Variants in CFAP54 observed in about 807,000 individuals in gnomAD.
CFAP54 encodes the protein cilia and flagella associated protein 54, also known as cilia- and flagella-associated protein 54.
Under a neutral mutation model 370.4 loss-of-function variants are expected in CFAP54, and 290 were observed. The ratio of observed to expected loss-of-function variants is 0.78; its 90% CI spans 0.71 to 0.86. CFAP54 has a LOEUF of 0.86. CFAP54 is among the 40% of genes least tolerant of loss of function. The probability of loss-of-function intolerance (pLI) is 0.00; values close to 1 mark genes in which losing one functional copy is unlikely to be tolerated. For missense variants in CFAP54, 3,399 were observed against 3,528.7 expected (o/e 0.96, Z 0.93); for synonymous variants, 1,206 against 1,236.5 (o/e 0.98, Z 0.52).
chr12:96,596,613 T>C (rs1206531416), intron 25 of CFAP54, among the ~76,000 whole-genome samples: 1 of 152,062 alleles, frequency 6.6e-6, no homozygotes, highest in East Asian at 1.9e-4. Context: ...GCAAAAACTT[T>C]AGGAAAAATT....
chr12:96,495,770 T>C (rs1954946813), intron 1 of CFAP54, among the ~76,000 whole-genome samples: 1 of 152,164 alleles, frequency 6.6e-6, no homozygotes, highest in Non-Finnish European at 1.5e-5. Flanking sequence ...ATGAGCAGCC[T>C]TAACCTGAAC....
At chr12:96,590,318 A>T (rs1449526700) in intron 23 of CFAP54, among the ~76,000 whole-genome samples, 1 of 152,190 alleles carries the variant, frequency 6.6e-6, no homozygotes, top group African/African-American at 2.4e-5. Flanking sequence ...GAAGCCATAT[A>T]AAATTACTAT....
Position 96,693,768 on chromosome 12 carries a change from G to C in CFAP54, c.6311G>C (p.Cys2104Ser), listed in dbSNP as rs762172248. 3 of 1,602,106 alleles carry C rather than the reference G, an allele frequency of 1.9e-6. No homozygotes were observed. In the East Asian group the frequency reaches 6.7e-5, roughly 36 times the overall value. ...TATCAATATTTTGTTTCTGGAATTT[G>C]TCAAGACATAACAAGAAATCTAGAA... ...ALYQYFVSGI[C>S]QDITRNLEAR... Residue 2104 changes from cysteine (C) to serine (S), a missense_variant, in exon 45 of 68, where the codon TGT becomes TCT. Around this residue, in one of 3 missense-constraint regions of CFAP54, gnomAD observed 2,796 missense variants for 2,869.7 expected, o/e 0.97. Transcript: ENST00000524981.
intron 17 of CFAP54, among the ~76,000 whole-genome samples, chr12:96,561,613 A>C (rs1955817035): frequency 6.6e-6 from 1 of 151,804 alleles, no homozygotes; most frequent in African/African-American, 2.4e-5. Flanking sequence ...TTTTGCTAGG[A>C]AATGGTATTT....
chr12:96,689,928 G>C (rs1424593659), intron 43 of CFAP54, among the ~76,000 whole-genome samples: 2 of 152,144 alleles, frequency 1.3e-5, no homozygotes, highest in Non-Finnish European at 2.9e-5. Context: ...GGCCTTCTCT[G>C]AATGGAAGGC....
chr12:96,554,898 T>C, intron 17 of CFAP54, 96 bp downstream of exon 17: 1 of 1,212,652 alleles, frequency 8.2e-7, no homozygotes, highest in Non-Finnish European at 1.1e-6. Flanking sequence ...TCTTGTTGAC[T>C]TAAGTTTTCA....
intron 17 of CFAP54, among the ~76,000 whole-genome samples, chr12:96,562,213 G>GT (rs1955822919): frequency 6.6e-6 from 1 of 152,004 alleles, no homozygotes; most frequent in Non-Finnish European, 1.5e-5. Flanking sequence ...TTACTCATTT[G>GT]TTTTATCCTG....
At chr12:96,508,892 C>T (rs529581691) in intron 4 of CFAP54, among the ~76,000 whole-genome samples, 1 of 152,226 alleles carries the variant, frequency 6.6e-6, no homozygotes, top group South Asian at 2.1e-4. Context: ...CAATGAATAT[C>T]CTTACACATG....
chr12:96,538,833 C>T (rs1454244895), intron 13 of CFAP54, among the ~76,000 whole-genome samples: 1 of 151,660 alleles, frequency 6.6e-6, no homozygotes, highest in African/African-American at 2.4e-5. Flanking sequence ...CTCACTGCAA[C>T]CTCTGCCTCC....
At chr12:96,512,842 A>G (rs1295471815) in intron 4 of CFAP54, 144 bp from the exon 5 acceptor site, 4 of 382,992 alleles carry the variant, frequency 1.0e-5, no homozygotes, top group Non-Finnish European at 1.8e-5. Context: ...AAAAATTATG[A>G]TGAGTATAAC....
intron 48 of CFAP54, among the ~76,000 whole-genome samples, chr12:96,714,889 C>T (rs1359359492): frequency 5.9e-5 from 9 of 152,008 alleles, no homozygotes; most frequent in African/African-American, 2.2e-4. Flanking sequence ...AGATATCTAA[C>T]ATGATACCCT....
intron 19 of CFAP54, among the ~76,000 whole-genome samples, chr12:96,570,978 C>G (rs781653450): frequency 1.2e-4 from 19 of 152,114 alleles, no homozygotes; most frequent in Non-Finnish European, 2.6e-4. Context: ...ATGACTTAAT[C>G]TACTTTTCAT....
chr12:96,611,533 C>T lies in CFAP54; in HGVS notation c.3640-10057C>T, dbSNP rs185677890. On this transcript the variant is annotated intron_variant, in intron 26 of 67. Transcript: ENST00000524981. ...TCACCAGCAGTGGAACAAAGCTGGA[C>T]GGAGAATGACTTTGACGAGTTGAGA... Among the ~76,000 whole-genome samples the T allele has an allele frequency of 6.0e-4, 92 of 152,282 alleles. No individual in the cohort carries two copies. The Middle Eastern group carries it at 0.01, about 17-fold the overall frequency.
rs531527975 is a variant in CFAP54, at chr12:96,627,604, A to G, written c.4103+665A>G. On this transcript the variant is annotated intron_variant, in intron 30 of 67. Transcript: ENST00000524981. ...GCAGCAAAAGAGAAGCATTCCCTTAAAAACATATAGAAAGATTTCTTCCTA... is the reference window on the plus strand; with the variant it reads ...GCAGCAAAAGAGAAGCATTCCCTTAGAAACATATAGAAAGATTTCTTCCTA... Among the ~76,000 whole-genome samples, 5 of 152,360 alleles carry G rather than the reference A, an allele frequency of 3.3e-5. No individual in the cohort carries two copies. The South Asian group carries it at 1.0e-3, about 32-fold the overall frequency.
chr12:96,646,759 A>G (rs1956797772), intron 33 of CFAP54: 1 of 152,254 alleles, frequency 6.6e-6, no homozygotes, highest in South Asian at 2.1e-4. Context: ...ACACCATGGA[A>G]TACTATGCAG....
chr12:96,612,451 C>T (rs528030642), intron 26 of CFAP54, among the ~76,000 whole-genome samples: 1 of 152,190 alleles, frequency 6.6e-6, no homozygotes, highest in Non-Finnish European at 1.5e-5. Context: ...ATTGTAAAGA[C>T]CATCGATGCT....
intron 1 of CFAP54, among the ~76,000 whole-genome samples, chr12:96,498,253 G>A (rs1229343522): frequency 6.6e-6 from 1 of 152,208 alleles, no homozygotes; most frequent in Non-Finnish European, 1.5e-5. Context: ...AATGGTCCTG[G>A]AACAACTGGA....
intron 66 of CFAP54, among the ~76,000 whole-genome samples, chr12:96,856,249 G>A (rs1286044988): frequency 6.6e-6 from 1 of 152,134 alleles, no homozygotes; most frequent in African/African-American, 2.4e-5. Context: ...TCTCTGACTT[G>A]CCCTGGAGCA....
At chr12:96,659,097 G>T (rs1956959277) in intron 38 of CFAP54, among the ~76,000 whole-genome samples, 1 of 152,174 alleles carries the variant, frequency 6.6e-6, no homozygotes, top group Admixed American at 6.5e-5. Flanking sequence ...TCGGCTCACT[G>T]CAGCCTCCGC....
Sources: allele counts gnomAD v4.1 joint callset (sites outside exome capture counted in the v4.1 genomes callset), GRCh38; gene constraint gnomAD v4.1.1; regional missense constraint gnomAD v4.1.1; transcripts MANE v1.5; gene names NCBI Gene and HGNC (gene_info 2026-07-23, HGNC 2026-07-21).